Variants in UBA6 observed in about 807,000 individuals in gnomAD.
The protein encoded by UBA6 is ubiquitin like modifier activating enzyme 6, also known as ubiquitin-like modifier-activating enzyme 6.
A neutral mutation model predicts 148.3 loss-of-function variants in UBA6; 87 were observed. That is an observed-to-expected ratio of 0.59 (90% confidence interval 0.49 to 0.70). The LOEUF (loss-of-function observed/expected upper bound fraction) is 0.70, where lower values mean the gene tolerates loss of function less well. Ranked by LOEUF, UBA6 falls within the 30% of genes least tolerant of loss-of-function variation. The probability of loss-of-function intolerance (pLI) is 0.00; values close to 1 mark genes in which losing one functional copy is unlikely to be tolerated. For synonymous variants in UBA6, 376 were observed against 401.0 expected (o/e 0.94, Z 0.75); for missense variants, 1,186 against 1,241.2 (o/e 0.96, Z 0.67).
chr4:67,628,708 A>G (rs536889564), intron 27 of UBA6, among the ~76,000 whole-genome samples: 1 of 151,978 alleles, frequency 6.6e-6, no homozygotes, highest in African/African-American at 2.4e-5. Context: ...TTTATTATCT[A>G]TCTTCTCACA....
In UBA6 at chr4:67,614,863, T is replaced by G. The variant is rs1455258624; in HGVS notation, c.*4134A>C. The G allele has an allele frequency of 1.4e-5, 1 of 71,072 alleles. No individual in the cohort carries two copies. Among genetic ancestry groups the G allele is most frequent in the Non-Finnish European group, 2.9e-5 (1 of 34,230 alleles). The allele number at this position is 71,072 out of a possible 1,614,324, so 4.4% of individuals were successfully genotyped here. A position where few individuals can be genotyped will look rare whatever the true frequency, so the allele number is the denominator to read the frequency against. On this transcript the variant is annotated 3_prime_UTR_variant, in exon 33 of 33. Coordinates refer to ENST00000322244, the MANE Select transcript of UBA6 (RefSeq NM_018227.6). ...CTTTATGAATCAATGAGGAAAAAGATTAGCAACACAACAAAAACGTGTGGC... is the reference window on the plus strand; with the variant it reads ...CTTTATGAATCAATGAGGAAAAAGAGTAGCAACACAACAAAAACGTGTGGC...
At position 67,614,943 on chromosome 4, in the gene UBA6, T is replaced by C. The variant is rs1193539974; in HGVS notation, c.*4054A>G. ...AAAGTCAAATTGGCCAATAAACTTA[T>C]GAAAAAATACTCAACTTCACAGGTA... On this transcript the variant is annotated 3_prime_UTR_variant, in exon 33 of 33. Coordinates refer to ENST00000322244, the MANE Select transcript of UBA6 (RefSeq NM_018227.6). 2.0e-5 allele frequency: 3 copies of C among 152,144 alleles called. No individual in the cohort carries two copies. Among genetic ancestry groups the C allele is most frequent in the Non-Finnish European group, 4.4e-5 (3 of 68,012 alleles). The allele number at this position is 152,144 out of a possible 1,614,324, so 9.4% of individuals were successfully genotyped here.
intron 9 of UBA6, among the ~76,000 whole-genome samples, chr4:67,665,890 G>A (rs1228235704): frequency 6.6e-6 from 1 of 152,012 alleles, no homozygotes; most frequent in Non-Finnish European, 1.5e-5. Flanking sequence ...CATGTAGTAA[G>A]GAAGGCTTTT....
At chr4:67,655,029 CCT>C (rs1729652070) in intron 13 of UBA6, among the ~76,000 whole-genome samples, 1 of 152,028 alleles carries the variant, frequency 6.6e-6, no homozygotes, top group South Asian at 2.1e-4. Flanking sequence ...ACAGGTGCAC[CCT>C]GATTCATAAA....
At chr4:67,634,209 G>A in intron 22 of UBA6, 33 bp downstream of exon 22, 2 of 1,419,604 alleles carry the variant, frequency 1.4e-6, no homozygotes, top group Admixed American at 2.2e-5. Flanking sequence ...GACACAAAGT[G>A]TTAAGTTTGT....
intron 19 of UBA6, among the ~76,000 whole-genome samples, chr4:67,637,886 T>C (rs932078079): frequency 3.8e-4 from 58 of 151,616 alleles, no homozygotes; most frequent in African/African-American, 1.3e-3. Context: ...ACTATTGTCC[T>C]ATGACCCTGC....
At chr4:67,683,214 A>C (rs952467324) in intron 2 of UBA6, among the ~76,000 whole-genome samples, 3 of 152,230 alleles carry the variant, frequency 2.0e-5, no homozygotes, top group African/African-American at 7.2e-5. Context: ...GTATGTACGA[A>C]AGTTCTTATA....
At position 67,625,094 on chromosome 4, in the gene UBA6, T is replaced by C. The variant is rs747866620; in HGVS notation, c.2612A>G (p.Lys871Arg). The change falls in exon 29 of 33, where the codon AAA (lysine) becomes AGA (arginine). Residue 871 changes from lysine (K) to arginine (R), a missense_variant. Coordinates refer to ENST00000322244, the MANE Select transcript of UBA6 (RefSeq NM_018227.6). ...GTCAGCTGGTTCAATGCTGTACATTTTGGCACGAAGATTTGATGCAGCTGT... is the reference window on the plus strand; with the variant it reads ...GTCAGCTGGTTCAATGCTGTACATTCTGGCACGAAGATTTGATGCAGCTGT... ...FITAASNLRA[K>R]MYSIEPADRF... The C allele has an allele frequency of 1.9e-6, 3 of 1,613,522 alleles. No homozygotes were observed. The Admixed American group carries it at 5.0e-5, about 27-fold the overall frequency.
intron 14 of UBA6, among the ~76,000 whole-genome samples, chr4:67,647,842 C>T (rs1291698132): frequency 5.4e-5 from 8 of 148,754 alleles, no homozygotes; most frequent in African/African-American, 1.7e-4. Flanking sequence ...GGCACAATCT[C>T]GGCTCACTAC....
intron 1 of UBA6, among the ~76,000 whole-genome samples, chr4:67,698,709 C>T (rs1164441989): frequency 6.6e-6 from 1 of 152,168 alleles, no homozygotes; most frequent in Non-Finnish European, 1.5e-5. Flanking sequence ...CTTGTAATCC[C>T]AGCACTTTGG....
chr4:67,633,620 CTTCT>C (rs2109904008), intron 22 of UBA6, 147 bp from the exon 23 acceptor site: 1 of 612,846 alleles, frequency 1.6e-6, no homozygotes, highest in African/African-American at 1.9e-5. Flanking sequence ...TCCCTTCCTT[CTTCT>C]TTAACCTTTC....
At chr4:67,676,589 G>A (rs1226969622) in intron 6 of UBA6, among the ~76,000 whole-genome samples, 1 of 152,268 alleles carries the variant, frequency 6.6e-6, no homozygotes, top group Admixed American at 6.5e-5. Flanking sequence ...AATTTCTCTA[G>A]TTTATGTAGT....
chr4:67,662,178 T>G lies in UBA6; in HGVS notation c.1104+11A>C. 6.2e-7 allele frequency: 1 copy of G among 1,612,724 alleles called. No homozygotes were observed. The highest frequency in any genetic ancestry group is 2.2e-5 in the East Asian group (1 of 44,760). The stretch of plus-strand genomic sequence containing the variant: ...ACAAATATTCGGACAGCCATAAATT[T>G]CAATAGTCACCTTCTCTTCCAAGGT... On this transcript the variant is annotated intron_variant, in intron 13 of 32. Coordinates refer to ENST00000322244, the MANE Select transcript of UBA6 (RefSeq NM_018227.6).
Position 67,663,958 on chromosome 4 carries a change from G to A in UBA6, c.898-11C>T, listed in dbSNP as rs377232608. 8 of 1,607,554 alleles carry A rather than the reference G, an allele frequency of 5.0e-6. No individual in the cohort carries two copies. The highest frequency in any genetic ancestry group is 3.4e-5 in the Admixed American group (2 of 58,716). ...CCTCTCCAGTGATTCCTGATAGGAA[G>A]GAAAAAGTCATTACTTCAGAGTGAG... On this transcript the variant is annotated splice_polypyrimidine_tract_variant and intron_variant, in intron 10 of 32. Transcript: ENST00000322244.
chr4:67,659,538 C>T (rs1417606891), intron 13 of UBA6, among the ~76,000 whole-genome samples: 1 of 124,466 alleles, frequency 8.0e-6, no homozygotes, highest in Non-Finnish European at 1.8e-5. Context: ...GTATAGTTTC[C>T]TGAGGCCTCC....
intron 6 of UBA6, among the ~76,000 whole-genome samples, chr4:67,676,700 G>T (rs1203105777): frequency 6.6e-6 from 1 of 152,174 alleles, no homozygotes; most frequent in African/African-American, 2.4e-5. Context: ...ACAGATAACA[G>T]TTCACTAGTC....
rs145794074 is a variant in UBA6, at chr4:67,670,108, A to C, written c.669+362T>G. Among the ~76,000 whole-genome samples, 1,125 of 152,022 alleles carry C rather than the reference A, an allele frequency of 7.4e-3. 8 individuals are homozygous for C. Among genetic ancestry groups the C allele is most frequent in the Non-Finnish European group, 0.012 (799 of 67,948 alleles). ...GGACCACACACCACCAGGCCCGGTT[A>C]ATTTTTTGTATTTTTGGTAGACATG... On this transcript the variant is annotated intron_variant, in intron 8 of 32. Transcript: ENST00000322244.
intron 6 of UBA6, among the ~76,000 whole-genome samples, chr4:67,677,102 A>G (rs1013383411): frequency 6.6e-6 from 1 of 152,210 alleles, no homozygotes; most frequent in Admixed American, 6.5e-5. Flanking sequence ...GCTTGATAAC[A>G]TTGACTTGCT....
chr4:67,665,361 C>G, intron 9 of UBA6, 69 bp from the exon 10 acceptor site: 1 of 882,298 alleles, frequency 1.1e-6, no homozygotes, highest in Non-Finnish European at 1.7e-6. Flanking sequence ...CTCTTATTGT[C>G]ATAAGAGGTT....
Sources: allele counts gnomAD v4.1 joint callset (sites outside exome capture counted in the v4.1 genomes callset), GRCh38; gene constraint gnomAD v4.1.1; transcripts MANE v1.5; gene names NCBI Gene and HGNC (gene_info 2026-07-23, HGNC 2026-07-21).